The following EDARADD variants were observed in gnomAD, a reference collection of about 807,000 sequenced individuals.
EDARADD encodes EDAR associated via death domain, also known as ectodysplasin-A receptor-associated adapter protein.
In EDARADD, 20 loss-of-function variants were observed where a neutral mutation model predicts 25.6. That is an observed-to-expected ratio of 0.78 (90% confidence interval 0.55 to 1.14). The LOEUF is 1.14. EDARADD is among the 50% of genes most tolerant of loss of function. The pLI is 0.00. For missense variants in EDARADD, 225 were observed against 270.1 expected (o/e 0.83, Z 1.17); for synonymous variants, 86 against 94.4 (o/e 0.91, Z 0.52).
intron 5 of EDARADD, among the ~76,000 whole-genome samples, chr1:236,481,611 A>G (rs988441371): frequency 1.4e-3 from 210 of 151,312 alleles, no homozygotes; most frequent in African/African-American, 4.7e-3. Flanking sequence ...AAAAAAAAAA[A>G]AAAGAAAGAA....
intron 3 of EDARADD, among the ~76,000 whole-genome samples, chr1:236,365,233 G>T (rs1448583405): frequency 6.6e-6 from 1 of 151,650 alleles, no homozygotes; most frequent in Non-Finnish European, 1.5e-5. Context: ...GCACAATCAG[G>T]GCTCGATGCA....
At chr1:236,468,143 G>A (rs1437808351) in intron 4 of EDARADD, 88 bp from the exon 5 acceptor site, 30 of 1,345,696 alleles carry the variant, frequency 2.2e-5, no homozygotes, top group Non-Finnish European at 3.1e-5. Context: ...CCAGGGTTTT[G>A]GTGGAAATTT....
At chr1:236,400,927 G>A (rs1298826711) in intron 1 of EDARADD, among the ~76,000 whole-genome samples, 5 of 151,936 alleles carry the variant, frequency 3.3e-5, no homozygotes, top group African/African-American at 9.7e-5. Context: ...TGGGAGCGGT[G>A]GCTCACGCCT....
chr1:236,425,976 T>A (rs943328554), intron 3 of EDARADD, among the ~76,000 whole-genome samples: 4 of 151,820 alleles, frequency 2.6e-5, no homozygotes, highest in Admixed American at 2.6e-4. Flanking sequence ...TTATCTTTTT[T>A]TTTTATTTTT....
In EDARADD at chr1:236,395,399, A is replaced by G; in HGVS notation, c.61+894A>G. 7.1e-7 allele frequency: 1 copy of G among 1,405,350 alleles called. No homozygotes were observed. Among genetic ancestry groups the G allele is most frequent in the South Asian group, 1.5e-5 (1 of 67,606 alleles). The allele number at this position is 1,405,350 out of a possible 1,614,324, so 87.1% of individuals were successfully genotyped here. ...TGGAGGGAGGTACCGAGGGACGCGC[A>G]GCGAAGGGGCTTTGCTAATTGCCAA... On this transcript the variant is annotated intron_variant, in intron 1 of 5. Coordinates refer to ENST00000334232, the MANE Select transcript of EDARADD (RefSeq NM_145861.4). The surrounding 1 kb of genome is among the most constrained non-coding windows in gnomAD (Gnocchi z 6.9).
In EDARADD at chr1:236,484,334, TG is replaced by T; in HGVS notation, c.*1688del. ...CTGACCTGGTGGTGGGGCTGTGACC[TG>T]GGCAGCTCAAGACTGGTGCCCCTTG... On this transcript the variant is annotated 3_prime_UTR_variant, in exon 6 of 6. Coordinates refer to ENST00000334232, the MANE Select transcript of EDARADD (RefSeq NM_145861.4). The surrounding 1 kb of genome is among the most constrained non-coding windows in gnomAD (Gnocchi z 4.1). 1 of 1,345,502 alleles carries T rather than the reference TG, an allele frequency of 7.4e-7. No homozygotes were observed. The highest frequency in any genetic ancestry group is 1.1e-6 in the Non-Finnish European group (1 of 935,932). 83.3% of individuals were successfully genotyped at this position (1,345,502 alleles called of 1,614,324 possible).
intron 3 of EDARADD, among the ~76,000 whole-genome samples, chr1:236,423,914 G>T (rs868087355): frequency 1.3e-5 from 2 of 151,802 alleles, no homozygotes; most frequent in African/African-American, 4.8e-5. Context: ...AAAACCAGCT[G>T]GGACAACATG....
At chr1:236,419,603 C>T (rs932248554) in intron 3 of EDARADD, among the ~76,000 whole-genome samples, 7 of 151,928 alleles carry the variant, frequency 4.6e-5, no homozygotes, top group Admixed American at 3.9e-4. Flanking sequence ...ACTTCTGGGC[C>T]CCTGGAGATT....
chr1:236,459,115 C>T (rs1018239341), intron 4 of EDARADD, among the ~76,000 whole-genome samples: 4 of 152,130 alleles, frequency 2.6e-5, no homozygotes, highest in Non-Finnish European at 4.4e-5. Flanking sequence ...ACCGGGGTGT[C>T]TGTGGATGCA....
At chr1:236,457,613 G>A (rs939657462) in intron 4 of EDARADD, among the ~76,000 whole-genome samples, 1 of 152,090 alleles carries the variant, frequency 6.6e-6, no homozygotes, top group Non-Finnish European at 1.5e-5. Context: ...GAGGTCAGGA[G>A]ATAGAGACCA....
At chr1:236,464,958 A>G (rs758934104) in intron 4 of EDARADD, among the ~76,000 whole-genome samples, 1 of 152,058 alleles carries the variant, frequency 6.6e-6, no homozygotes, top group Non-Finnish European at 1.5e-5. Flanking sequence ...GACCAGGACC[A>G]TGCATTCAGC....
chr1:236,474,541 C>T (rs542206781), intron 5 of EDARADD, among the ~76,000 whole-genome samples: 1 of 152,242 alleles, frequency 6.6e-6, no homozygotes, highest in African/African-American at 2.4e-5. Context: ...TTCAACAACC[C>T]TCTCCTCTCC....
chr1:236,413,217 T>C (rs1349109430), intron 2 of EDARADD, among the ~76,000 whole-genome samples: 2 of 152,252 alleles, frequency 1.3e-5, no homozygotes, highest in South Asian at 4.1e-4. Flanking sequence ...TTCCTCGGTC[T>C]TGGGAGTAGA....
At chr1:236,429,544 A>AT (rs34501977) in intron 4 of EDARADD, among the ~76,000 whole-genome samples, 4,113 of 144,544 alleles carry the variant, frequency 0.028, 165 homozygotes, top group African/African-American at 0.097. Flanking sequence ...TGACCCGCTA[A>AT]TTTTTTTTTT....
chr1:236,476,651 A>G (rs576343383), intron 5 of EDARADD, among the ~76,000 whole-genome samples: 1 of 151,362 alleles, frequency 6.6e-6, no homozygotes, highest in South Asian at 2.1e-4. Context: ...TCAGCCTCCC[A>G]AGTAGCTGGG....
intron 3 of EDARADD, among the ~76,000 whole-genome samples, 161 bp downstream of exon 3, chr1:236,414,460 TTC>T (rs1657582957): frequency 9.9e-6 from 1 of 100,882 alleles, no homozygotes; most frequent in South Asian, 2.9e-4. Flanking sequence ...ATTAATTTTT[TTC>T]TTTTTTAAAT....
chr1:236,461,628 G>C (rs1173400646), intron 4 of EDARADD, among the ~76,000 whole-genome samples: 1 of 152,180 alleles, frequency 6.6e-6, no homozygotes, highest in Admixed American at 6.5e-5. Flanking sequence ...AACCTCAGGT[G>C]TAGAAGTCAT....
intron 3 of EDARADD, among the ~76,000 whole-genome samples, chr1:236,381,960 T>G (rs1162744843): frequency 6.6e-6 from 1 of 152,112 alleles, no homozygotes; most frequent in East Asian, 1.9e-4. Context: ...TGTTAAAATT[T>G]TATCTTATCC....
intron 5 of EDARADD, among the ~76,000 whole-genome samples, chr1:236,471,195 T>G (rs975418613): frequency 3.9e-5 from 6 of 152,216 alleles, no homozygotes; most frequent in East Asian, 1.9e-4. Flanking sequence ...TGCTGCCAAC[T>G]TAATGTCTCC....
Sources: gnomAD v4.1 joint callset for allele counts (sites outside exome capture counted in the v4.1 genomes callset) on GRCh38, gnomAD v4.1.1 for gene constraint, Gnocchi (gnomAD v3.1) non-coding constraint, MANE v1.5 for transcripts, NCBI Gene and HGNC (gene_info 2026-07-23, HGNC 2026-07-21) for gene names.